The following C3orf22 variants were observed in gnomAD, a reference collection of about 807,000 sequenced individuals.
The protein encoded by C3orf22 is uncharacterized protein C3orf22.
A neutral mutation model predicts 10.8 loss-of-function variants in C3orf22; 7 were observed. That is an observed-to-expected ratio of 0.65 (90% CI 0.37 to 1.22). The LOEUF is 1.22. Ranked by LOEUF, C3orf22 falls within the 50% of genes most tolerant of loss-of-function variation. The probability of loss-of-function intolerance (pLI) is 0.02; values close to 1 mark genes in which losing one functional copy is unlikely to be tolerated. For missense variants in C3orf22, 173 were observed against 177.0 expected, an observed-to-expected ratio of 0.98 and a Z score of 0.13; for synonymous variants, 79 against 78.9, an observed-to-expected ratio of 1.00 and a Z score of 0.00.
downstream of C3orf22, chr3:126,549,594 T>A (rs1426575100): frequency 1.2e-5 from 16 of 1,322,544 alleles, no homozygotes; most frequent in Admixed American, 2.1e-5. Context: ...CTCTTTTTAA[T>A]CCTCACACCA....
chr3:126,539,036 G>A (rs751865052), intron 4 of C3orf22, among the ~76,000 whole-genome samples: 7 of 152,120 alleles, frequency 4.6e-5, no homozygotes, highest in African/African-American at 1.4e-4. Context: ...CTGCTTTGCC[G>A]TGTGCTTACA....
chr3:126,535,540 TC>T (rs1936768580), intron 4 of C3orf22, among the ~76,000 whole-genome samples: 6 of 150,800 alleles, frequency 4.0e-5, no homozygotes, highest in Non-Finnish European at 8.9e-5. Context: ...ACAGACAGCA[TC>T]CCTGTCCTCA....
At chr3:126,535,854 C>T (rs1936778667) in intron 4 of C3orf22, among the ~76,000 whole-genome samples, 1 of 152,270 alleles carries the variant, frequency 6.6e-6, no homozygotes, top group African/African-American at 2.4e-5. Context: ...TTTCTGGCTG[C>T]CCATACACAG....
intron 5 of C3orf22, among the ~76,000 whole-genome samples, chr3:126,528,251 C>T (rs569997727): frequency 2.5e-4 from 38 of 152,100 alleles, no homozygotes; most frequent in Non-Finnish European, 5.3e-4. Flanking sequence ...CTGGGGTGCT[C>T]TTCCTATGGC....
At chr3:126,551,551 T>A (rs1392252221) in intron 3 of C3orf22, among the ~76,000 whole-genome samples, 1 of 152,016 alleles carries the variant, frequency 6.6e-6, no homozygotes, top group East Asian at 1.9e-4. Context: ...GGCATGAGAG[T>A]TTGTGCTGTG....
In C3orf22 at chr3:126,541,887, T is replaced by A. The variant is rs1187151951; in HGVS notation, c.286+7650A>T. The A allele has an allele frequency of 1.9e-6, 3 of 1,600,390 alleles. No homozygotes were observed. In the African/African-American group the frequency reaches 4.1e-5, roughly 22 times the overall value. ...GCGCATGGCCTGCTCTACTGCTACG[T>A]GCCCAAGGTGGCCTGCACCAACTGG... On this transcript the variant is annotated intron_variant and NMD_transcript_variant, in intron 4 of 5. Coordinates refer to the C3orf22 transcript ENST00000505070.
At chr3:126,542,785 C>A in intron 4 of C3orf22, 1 of 624,732 alleles carries the variant, frequency 1.6e-6, no homozygotes, top group Non-Finnish European at 2.4e-6. Context: ...CCTGCCTCGG[C>A]CTGTCGCCTG....
intron 1 of C3orf22, among the ~76,000 whole-genome samples, chr3:126,557,456 A>G (rs1559756984): frequency 2.0e-5 from 3 of 152,138 alleles, no homozygotes; most frequent in Admixed American, 2.0e-4. Context: ...CTCGGGCAAG[A>G]CTGCTCGGCA....
intron 4 of C3orf22, among the ~76,000 whole-genome samples, chr3:126,537,632 G>A (rs1936826457): frequency 6.6e-6 from 1 of 152,194 alleles, no homozygotes; most frequent in Non-Finnish European, 1.5e-5. Flanking sequence ...CACTCAGTAG[G>A]GCCCTGGGTT....
intron 4 of C3orf22, among the ~76,000 whole-genome samples, chr3:126,538,964 C>T (rs1350867884): frequency 1.3e-5 from 2 of 152,128 alleles, no homozygotes; most frequent in Non-Finnish European, 2.9e-5. Flanking sequence ...CCTGTCCTCT[C>T]GGAGGCCACC....
chr3:126,542,704 G>A, intron 4 of C3orf22: 1 of 1,325,112 alleles, frequency 7.5e-7, no homozygotes, highest in South Asian at 1.9e-5. Flanking sequence ...CTGGCCGCCG[G>A]GCCAGCGGGC....
chr3:126,545,961 C>G (rs1477295469), downstream of C3orf22, among the ~76,000 whole-genome samples: 1 of 152,184 alleles, frequency 6.6e-6, no homozygotes, highest in Non-Finnish European at 1.5e-5. Flanking sequence ...ATTCACTTTT[C>G]AAGTATCCCA....
downstream of C3orf22, among the ~76,000 whole-genome samples, chr3:126,545,217 G>A (rs1552641): frequency 0.2 from 30,357 of 152,256 alleles, 3,544 homozygotes; most frequent in Admixed American, 0.26. Flanking sequence ...AAGGGCTGAT[G>A]GCACAAACCC....
intron 4 of C3orf22, among the ~76,000 whole-genome samples, chr3:126,535,724 C>T (rs13080948): frequency 0.34 from 51,930 of 152,234 alleles, 9,376 homozygotes; most frequent in African/African-American, 0.45. Flanking sequence ...CCATGTGAAG[C>T]AGCATATTCC....
At chr3:126,557,303 C>G (rs939324517) in intron 1 of C3orf22, among the ~76,000 whole-genome samples, 1 of 152,220 alleles carries the variant, frequency 6.6e-6, no homozygotes, top group Non-Finnish European at 1.5e-5. Context: ...CCTTGCTTCC[C>G]TTCCCAATTC....
chr3:126,541,846 C>T (rs752501660), intron 4 of C3orf22: 27 of 1,581,722 alleles, frequency 1.7e-5, no homozygotes, highest in Non-Finnish European at 2.1e-5. Flanking sequence ...ACCTGCGGCA[C>T]GTGCTGGTGG....
At position 126,536,882 on chromosome 3, in the gene C3orf22, CACACACACACACAA is replaced by C. The variant is rs1936804467; in HGVS notation, c.287-7524_287-7511del. Among the ~76,000 whole-genome samples the C allele has an allele frequency of 2.4e-5, 3 of 125,082 alleles. No individual in the cohort carries two copies. The South Asian group carries it at 7.4e-4, about 31-fold the overall frequency. 82.1% of individuals were successfully genotyped at this position (125,082 alleles called of 152,430 possible). ...ACTCTGGCTCTCTCTCTCTCTTTCT[CACACACACACACAA>C]ACACACACACACACACACACACACA... On this transcript the variant is annotated intron_variant and NMD_transcript_variant, in intron 4 of 5. Coordinates refer to the C3orf22 transcript ENST00000505070.
chr3:126,549,250 CG>C (rs1937123499), downstream of C3orf22, among the ~76,000 whole-genome samples: 2 of 5,690 alleles, frequency 3.5e-4, no homozygotes, highest in African/African-American at 4.7e-4. Context: ...TCCTCATCCA[CG>C]CCCCCCCCCC....
chr3:126,549,918 C>T lies in C3orf22; in HGVS notation c.376G>A (p.Ala126Thr), dbSNP rs780753648. The stretch of plus-strand genomic sequence containing the variant: ...GCCGCCTTGCTGGTCTGGGGGCAGG[C>T]AGCCTCAGTGTGCCGGGTGGACAGC... ...FLLSTRHTEA[A>T]CPQTSKAAGL... The change falls in exon 4 of 4, where the codon GCC becomes ACC. Residue 126 changes from alanine (A) to threonine (T), a missense_variant. Transcript: ENST00000318225. 3 of 1,613,918 alleles carry T rather than the reference C, an allele frequency of 1.9e-6. No homozygotes were observed. In the African/African-American group the frequency reaches 4.0e-5, roughly 22 times the overall value.
Sources: gnomAD v4.1 joint callset for allele counts (sites outside exome capture counted in the v4.1 genomes callset) on GRCh38, gnomAD v4.1.1 for gene constraint, MANE v1.5 for transcripts, NCBI Gene and HGNC (gene_info 2026-07-23, HGNC 2026-07-21) for gene names.